Variants in NTM observed in about 807,000 individuals in gnomAD.
The protein encoded by NTM is IgLON family member 2.
A neutral mutation model predicts 42.1 loss-of-function variants in NTM; 13 were observed. That is an observed-to-expected ratio of 0.31 (90% CI 0.20 to 0.49). The LOEUF (loss-of-function observed/expected upper bound fraction) is 0.49, where lower values mean the gene tolerates loss of function less well. Among genes scored for constraint, NTM ranks in the 20% least tolerant of loss-of-function variants. NTM has a pLI of 0.99. For synonymous variants in NTM, 187 were observed against 179.2 expected (o/e 1.04, Z -0.35); for missense variants, 373 against 452.8 (o/e 0.82, Z 1.60).
At chr11:131,918,280 C>T (rs1242554086) in intron 2 of NTM, among the ~76,000 whole-genome samples, 1 of 152,178 alleles carries the variant, frequency 6.6e-6, no homozygotes, top group Admixed American at 6.5e-5. Flanking sequence ...AAGCATCCTC[C>T]TGACCATGAA....
At chr11:132,294,748 C>T (rs570530893) in intron 4 of NTM, among the ~76,000 whole-genome samples, 1 of 152,246 alleles carries the variant, frequency 6.6e-6, no homozygotes, top group Non-Finnish European at 1.5e-5. Context: ...TTTTTCCTTG[C>T]CTGTCCCAGG....
chr11:131,571,449 G>A (rs1187286569), intron 1 of NTM, among the ~76,000 whole-genome samples: 1 of 152,182 alleles, frequency 6.6e-6, no homozygotes, highest in Non-Finnish European at 1.5e-5. Flanking sequence ...TCTTGCCCAA[G>A]GTCATAGAAC....
At chr11:131,412,759 G>T (rs1016532548) in intron 1 of NTM, among the ~76,000 whole-genome samples, 2 of 152,168 alleles carry the variant, frequency 1.3e-5, no homozygotes, top group Admixed American at 6.5e-5. Context: ...AAAATAATAT[G>T]TACTCTAAAG....
chr11:131,371,850 G>C (rs529008508), intron 1 of NTM, among the ~76,000 whole-genome samples: 2 of 152,204 alleles, frequency 1.3e-5, no homozygotes, highest in Non-Finnish European at 2.9e-5. Flanking sequence ...CGTAAGGATC[G>C]AGACAAGCTG....
chr11:132,300,346 C>T (rs960765714), intron 4 of NTM, among the ~76,000 whole-genome samples: 2 of 152,200 alleles, frequency 1.3e-5, no homozygotes, highest in African/African-American at 4.8e-5. Context: ...TCATTTAATG[C>T]TCACAATAAT....
chr11:131,519,487 G>A (rs1275445416), intron 1 of NTM, among the ~76,000 whole-genome samples: 1 of 147,688 alleles, frequency 6.8e-6, no homozygotes, highest in Non-Finnish European at 1.5e-5. Context: ...CCTGAGAGGT[G>A]AACCTGCTTG....
chr11:132,110,572 A>C (rs1426769998), intron 2 of NTM, among the ~76,000 whole-genome samples: 3 of 152,232 alleles, frequency 2.0e-5, no homozygotes, highest in African/African-American at 7.2e-5. Context: ...GTTTGGTTGA[A>C]ATTTTATGGC....
chr11:132,150,077 C>T (rs1221984340), intron 3 of NTM, among the ~76,000 whole-genome samples: 1 of 152,116 alleles, frequency 6.6e-6, no homozygotes, highest in Admixed American at 6.6e-5. Context: ...ACAGCACCAA[C>T]ATTTGCATCT....
At chr11:132,200,246 C>T (rs575278440) in intron 3 of NTM, among the ~76,000 whole-genome samples, 10 of 152,224 alleles carry the variant, frequency 6.6e-5, no homozygotes, top group Admixed American at 3.3e-4. Flanking sequence ...GATTCAAGGT[C>T]GGATAATGAG....
At chr11:131,530,853 T>C (rs7935873) in intron 1 of NTM, among the ~76,000 whole-genome samples, 5,314 of 152,216 alleles carry the variant, frequency 0.035, 293 homozygotes, top group African/African-American at 0.12. Context: ...GAATTACTTA[T>C]CAGAAAAAAA....
intron 1 of NTM, among the ~76,000 whole-genome samples, chr11:131,882,304 G>A (rs2049665512): frequency 6.6e-6 from 1 of 152,218 alleles, no homozygotes; most frequent in Admixed American, 6.5e-5. Flanking sequence ...AAGAGCTGGT[G>A]TCCCAGCTCA....
intron 1 of NTM, among the ~76,000 whole-genome samples, chr11:131,414,955 A>C (rs1946792639): frequency 1.3e-5 from 2 of 152,178 alleles, no homozygotes; most frequent in South Asian, 4.1e-4. Flanking sequence ...CAAACCCAAC[A>C]GATTCCAGTC....
intron 2 of NTM, among the ~76,000 whole-genome samples, chr11:132,004,605 T>TTCTCTCTCTCTCTCTCTC (rs71480226): frequency 1.4e-3 from 198 of 144,132 alleles, no homozygotes; most frequent in Admixed American, 2.8e-3. Flanking sequence ...CTTTCTCTCT[T>TTCTCTCTCTCTCTCTCTC]TCTCTCTCTC....
At chr11:131,526,397 A>C (rs1202558195) in intron 1 of NTM, among the ~76,000 whole-genome samples, 2 of 152,250 alleles carry the variant, frequency 1.3e-5, no homozygotes, top group Admixed American at 6.5e-5. Context: ...TAATCACCAT[A>C]GATGGGAGCG....
chr11:132,162,825 TGTG>T (rs1319523631), intron 3 of NTM, among the ~76,000 whole-genome samples: 1 of 151,258 alleles, frequency 6.6e-6, no homozygotes, highest in Non-Finnish European at 1.5e-5. Context: ...TATGTGATCT[TGTG>T]TGTGTGTTTG....
intron 2 of NTM, among the ~76,000 whole-genome samples, chr11:132,014,754 T>C (rs2073042606): frequency 7.0e-6 from 1 of 142,908 alleles, no homozygotes; most frequent in Admixed American, 6.9e-5. Flanking sequence ...TTTTTTTTTT[T>C]TTGCTGTTGA....
At chr11:131,637,592 T>C (rs1394313176) in intron 1 of NTM, among the ~76,000 whole-genome samples, 1 of 151,486 alleles carries the variant, frequency 6.6e-6, no homozygotes, top group Non-Finnish European at 1.5e-5. Flanking sequence ...CCAAGGCTGA[T>C]AAGTGGCAAC....
intron 1 of NTM, among the ~76,000 whole-genome samples, chr11:131,710,912 C>G (rs933798544): frequency 1.3e-5 from 2 of 152,054 alleles, no homozygotes; most frequent in Admixed American, 6.5e-5. Flanking sequence ...GTAGAAATGC[C>G]TTTTCCCTGC....
At chr11:131,912,889 A>C (rs1457610108) in intron 2 of NTM, among the ~76,000 whole-genome samples, 1 of 152,222 alleles carries the variant, frequency 6.6e-6, no homozygotes, top group Admixed American at 6.5e-5. Context: ...GGCAATGTCA[A>C]TACAGAGCTG....
Sources: gnomAD v4.1 joint callset for allele counts (sites outside exome capture counted in the v4.1 genomes callset) on GRCh38, gnomAD v4.1.1 for gene constraint, MANE v1.5 for transcripts, NCBI Gene and HGNC (gene_info 2026-07-23, HGNC 2026-07-21) for gene names.